The following STXBP4 variants were observed in gnomAD, a reference collection of about 807,000 sequenced individuals.
STXBP4 encodes syntaxin-binding protein 4.
A neutral mutation model predicts 76.1 loss-of-function variants in STXBP4; 55 were observed. That is an observed-to-expected ratio of 0.72 (90% CI 0.58 to 0.91). The LOEUF (loss-of-function observed/expected upper bound fraction) is 0.91, where lower values mean the gene tolerates loss of function less well. STXBP4 is among the 40% of genes least tolerant of loss of function. The pLI, the probability that STXBP4 is intolerant of heterozygous loss-of-function variation, is 0.00. For synonymous variants in STXBP4, 201 were observed against 220.2 expected (o/e 0.91, Z 0.77); for missense variants, 618 against 636.9 (o/e 0.97, Z 0.32).
chr17:55,185,221 TC>T, the STXBP4 span, among the ~76,000 whole-genome samples: 1 of 43,066 alleles, frequency 2.3e-5, no homozygotes, highest in South Asian at 8.0e-4. Flanking sequence ...TTCTTCTTCT[TC>T]TTCTTCTTCT....
chr17:55,197,758 G>A, the STXBP4 span, among the ~76,000 whole-genome samples: 1 of 151,066 alleles, frequency 6.6e-6, no homozygotes, highest in South Asian at 2.1e-4. Context: ...AAAAAAAGAA[G>A]AAAAAAGAAA....
intron 4 of STXBP4, among the ~76,000 whole-genome samples, chr17:54,993,865 T>C: frequency 6.6e-6 from 1 of 152,362 alleles, no homozygotes; most frequent in South Asian, 2.1e-4. Context: ...AGCTAGATTA[T>C]ATTTCATTTA....
At chr17:55,057,694 C>A (rs546430997) in intron 12 of STXBP4, among the ~76,000 whole-genome samples, 12 of 152,164 alleles carry the variant, frequency 7.9e-5, no homozygotes, top group African/African-American at 2.9e-4. Flanking sequence ...TCTTTATGCT[C>A]TCCCTCCCCT....
intron 16 of STXBP4, among the ~76,000 whole-genome samples, chr17:55,137,323 G>A (rs2080043239): frequency 7.6e-6 from 1 of 131,170 alleles, no homozygotes; most frequent in Non-Finnish European, 1.6e-5. Flanking sequence ...TGCTCAGCAT[G>A]TTGGATGCTA....
chr17:54,988,635 T>TGTG (rs1340611928), intron 3 of STXBP4, among the ~76,000 whole-genome samples: 1 of 151,976 alleles, frequency 6.6e-6, no homozygotes, highest in African/African-American at 2.4e-5. Flanking sequence ...ATTAGCTGGG[T>TGTG]GTGGTAGCAC....
At chr17:55,075,371 GTCT>G (rs1179331795) in intron 13 of STXBP4, among the ~76,000 whole-genome samples, 2 of 152,052 alleles carry the variant, frequency 1.3e-5, no homozygotes, top group Non-Finnish European at 2.9e-5. Flanking sequence ...GCTAGTTCGT[GTCT>G]TCTTATTGTT....
chr17:55,078,290 T>G, intron 14 of STXBP4, 96 bp downstream of exon 14: 1 of 791,878 alleles, frequency 1.3e-6, no homozygotes, highest in Non-Finnish European at 2.0e-6. Flanking sequence ...AGTGAAACAT[T>G]CTCTAGTCTC....
At chr17:55,115,146 GTTT>G (rs929238358) in intron 16 of STXBP4, among the ~76,000 whole-genome samples, 4 of 151,816 alleles carry the variant, frequency 2.6e-5, no homozygotes, top group African/African-American at 9.7e-5. Flanking sequence ...AAATGCTATT[GTTT>G]TATTGCTTGA....
intron 12 of STXBP4, among the ~76,000 whole-genome samples, chr17:55,067,416 G>A (rs2079066469): frequency 6.6e-6 from 1 of 152,060 alleles, no homozygotes; most frequent in African/African-American, 2.4e-5. Context: ...GATGGAAAAA[G>A]GTGAAAAATA....
chr17:54,992,354 G>T (rs1045330657), intron 4 of STXBP4, among the ~76,000 whole-genome samples: 1 of 151,396 alleles, frequency 6.6e-6, no homozygotes. Context: ...AAGATCAAGA[G>T]CAGTGAGGCA....
chr17:55,117,467 G>A (rs907370932), intron 16 of STXBP4, among the ~76,000 whole-genome samples: 1 of 151,672 alleles, frequency 6.6e-6, no homozygotes, highest in African/African-American at 2.4e-5. Context: ...ATCAATTCCA[G>A]GTCATTTGAC....
chr17:55,163,855 G>A lies in STXBP4; in HGVS notation c.*3944G>A, dbSNP rs568181541. On this transcript the variant is annotated 3_prime_UTR_variant, in exon 18 of 18. Coordinates refer to ENST00000376352, the MANE Select transcript of STXBP4 (RefSeq NM_178509.6). ...GAAAAGGAAAAAAAAGGAACATGCCGTATGAAGAGCCTCTCCAATAATAAA... is the reference window on the plus strand; with the variant it reads ...GAAAAGGAAAAAAAAGGAACATGCCATATGAAGAGCCTCTCCAATAATAAA... The A allele has an allele frequency of 7.9e-5, 12 of 152,490 alleles. No individual in the cohort carries two copies. Among genetic ancestry groups the A allele is most frequent in the African/African-American group, 1.9e-4 (8 of 41,486 alleles). The allele number at this position is 152,490 out of a possible 1,614,324, so 9.4% of individuals were successfully genotyped here.
chr17:55,191,585 G>A, the STXBP4 span, among the ~76,000 whole-genome samples: 3 of 151,992 alleles, frequency 2.0e-5, no homozygotes, highest in African/African-American at 4.8e-5. Flanking sequence ...ATCTGTCTCT[G>A]TTCTCATCCC....
At chr17:55,073,102 G>T in intron 13 of STXBP4, 26 bp downstream of exon 13, 3 of 1,606,356 alleles carry the variant, frequency 1.9e-6, no homozygotes, top group Non-Finnish European at 2.6e-6. Flanking sequence ...ATCTCTTCCA[G>T]TTACCATGGT....
intron 11 of STXBP4, chr17:55,043,529 G>A (rs965108489): frequency 8.2e-7 from 1 of 1,217,610 alleles, no homozygotes; most frequent in South Asian, 1.4e-5. Context: ...CACAATATCT[G>A]TGCAACATTT....
At chr17:55,057,544 T>A (rs1012746791) in intron 12 of STXBP4, among the ~76,000 whole-genome samples, 2 of 152,228 alleles carry the variant, frequency 1.3e-5, no homozygotes, top group Non-Finnish European at 2.9e-5. Context: ...TTGTTGTTGT[T>A]GTTTCTAATT....
At chr17:55,005,019 CAAAAGT>C (rs940051703) in intron 7 of STXBP4, among the ~76,000 whole-genome samples, 1 of 152,004 alleles carries the variant, frequency 6.6e-6, no homozygotes, top group Non-Finnish European at 1.5e-5. Flanking sequence ...GGTTTTAACT[CAAAAGT>C]AAAGGTCTAA....
Position 55,030,189 on chromosome 17 carries a change from G to A in STXBP4, c.667-979G>A, listed in dbSNP as rs538316121. On this transcript the variant is annotated intron_variant, in intron 8 of 17. Transcript: ENST00000376352. The stretch of plus-strand genomic sequence containing the variant: ...TGAAAGAAGGTAATCCAGGGCTGCC[G>A]TGGAGGTTTCAGAGTATCAGGGACC... 2.9e-4 allele frequency among the ~76,000 whole-genome samples: 44 copies of A among 152,248 alleles called. 1 individual carries two copies. Among genetic ancestry groups the A allele is most frequent in the Middle Eastern group, 6.8e-3 (2 of 292 alleles).
chr17:54,977,820 A>T (rs2077493481), intron 1 of STXBP4, among the ~76,000 whole-genome samples: 1 of 152,246 alleles, frequency 6.6e-6, no homozygotes, highest in Admixed American at 6.5e-5. Flanking sequence ...CTCAAGTATA[A>T]TACATCCAAC....
Sources: gnomAD v4.1 joint callset for allele counts (sites outside exome capture counted in the v4.1 genomes callset) on GRCh38, gnomAD v4.1.1 for gene constraint, MANE v1.5 for transcripts, NCBI Gene and HGNC (gene_info 2026-07-23, HGNC 2026-07-21) for gene names.